The following IGF1R variants were observed in gnomAD, a reference collection of about 807,000 sequenced individuals.
IGF1R encodes the protein insulin-like growth factor 1 receptor.
IGF1R carries 44 observed loss-of-function variants against 144.6 expected under a neutral mutation model. The ratio of observed to expected loss-of-function variants is 0.30; its 90% CI spans 0.24 to 0.39. The LOEUF (loss-of-function observed/expected upper bound fraction) is 0.39, where lower values mean the gene tolerates loss of function less well. Among genes scored for constraint, IGF1R ranks in the 10% least tolerant of loss-of-function variants. The probability of loss-of-function intolerance (pLI) is 1.00; values close to 1 mark genes in which losing one functional copy is unlikely to be tolerated. For missense variants in IGF1R, 1,355 were observed against 1,833.7 expected (o/e 0.74, Z 4.77); for synonymous variants, 795 against 722.8 (o/e 1.10, Z -1.60).
chr15:98,954,515 A>G (rs549826703), intron 20 of IGF1R: 2 of 152,298 alleles, frequency 1.3e-5, no homozygotes, highest in South Asian at 4.1e-4. Context: ...CTTGAATCCC[A>G]CAGAGCAAAA....
At chr15:98,671,619 T>C (rs1297051717) in intron 1 of IGF1R, among the ~76,000 whole-genome samples, 1 of 152,208 alleles carries the variant, frequency 6.6e-6, no homozygotes, top group Non-Finnish European at 1.5e-5. Flanking sequence ...ATGCCTAAGA[T>C]TTCTGAAATT....
At position 98,935,841 on chromosome 15, in the gene IGF1R, A is replaced by G. The variant is rs995854819; in HGVS notation, c.3297+415A>G. On this transcript the variant is annotated intron_variant, in intron 17 of 20. Coordinates refer to ENST00000650285, the MANE Select transcript of IGF1R (RefSeq NM_000875.5). The surrounding 1 kb of genome is among the most constrained non-coding windows in gnomAD (Gnocchi z 4.2). Reference sequence around the variant, plus strand: ...ATCCTCGTATGTGTTCTCTCTCGTTATGTTGTGTTGTGCTGTTGTTGGAGT... The same window carrying G: ...ATCCTCGTATGTGTTCTCTCTCGTTGTGTTGTGTTGTGCTGTTGTTGGAGT... Among the ~76,000 whole-genome samples the G allele has an allele frequency of 5.9e-5, 9 of 151,634 alleles. No homozygotes were observed. The highest frequency in any genetic ancestry group is 2.2e-4 in the African/African-American group (9 of 41,180).
At chr15:98,649,809 A>T (rs2141155714) in intron 1 of IGF1R, 134 bp downstream of exon 1, 1 of 650,876 alleles carries the variant, frequency 1.5e-6, no homozygotes, top group African/African-American at 1.9e-5. Flanking sequence ...GGTGGGGCGC[A>T]GGGCGGCTCT....
chr15:98,650,944 G>A (rs1257150305), intron 1 of IGF1R: 4 of 984,942 alleles, frequency 4.1e-6, no homozygotes, highest in Admixed American at 6.1e-5. Flanking sequence ...GTCTACGGCC[G>A]GAGGAGGTGG....
intron 1 of IGF1R, among the ~76,000 whole-genome samples, chr15:98,651,589 A>G (rs148670000): frequency 2.5e-4 from 38 of 152,358 alleles, no homozygotes; most frequent in African/African-American, 8.9e-4. Flanking sequence ...AACAGCAGGG[A>G]TGGCCTTCGC....
intron 2 of IGF1R, among the ~76,000 whole-genome samples, chr15:98,844,575 A>G (rs1475081758): frequency 2.0e-5 from 3 of 151,972 alleles, no homozygotes; most frequent in African/African-American, 7.3e-5. Flanking sequence ...TGTAACTGAC[A>G]TTTCCTTGAG....
chr15:98,878,692 AAAACAAC>A (rs1567174372), intron 2 of IGF1R, among the ~76,000 whole-genome samples: 7 of 138,878 alleles, frequency 5.0e-5, no homozygotes, highest in African/African-American at 2.2e-4. Flanking sequence ...AAAAAAAAAA[AAAACAAC>A]AACAAAAAAA....
chr15:98,799,202 A>G (rs775755402), intron 2 of IGF1R, among the ~76,000 whole-genome samples: 2 of 152,152 alleles, frequency 1.3e-5, no homozygotes, highest in Non-Finnish European at 2.9e-5. Context: ...TCATGGTATA[A>G]TTCATGTGCC....
chr15:98,804,554 G>A (rs372573135), intron 2 of IGF1R, among the ~76,000 whole-genome samples: 15 of 152,066 alleles, frequency 9.9e-5, no homozygotes, highest in Admixed American at 2.0e-4. Flanking sequence ...AAAGTGAAAC[G>A]GGGCTATGGG....
intron 2 of IGF1R, among the ~76,000 whole-genome samples, chr15:98,820,303 A>C (rs140140649): frequency 2.0e-5 from 3 of 152,368 alleles, no homozygotes; most frequent in Non-Finnish European, 4.4e-5. Context: ...AAACAGCAGA[A>C]TATTCCAGGA....
At chr15:98,688,946 C>G (rs977336160) in intron 1 of IGF1R, among the ~76,000 whole-genome samples, 1 of 152,138 alleles carries the variant, frequency 6.6e-6, no homozygotes, top group South Asian at 2.1e-4. Flanking sequence ...CTCAGATGGC[C>G]TGATGTTTCT....
intron 10 of IGF1R, 47 bp from the exon 11 acceptor site, chr15:98,922,101 A>G (rs761884800): frequency 6.2e-7 from 1 of 1,603,758 alleles, no homozygotes; most frequent in South Asian, 1.1e-5. Flanking sequence ...TAGAAAAGAC[A>G]AAAGAGGTAA....
chr15:98,695,443 T>A (rs1173468479), intron 1 of IGF1R, among the ~76,000 whole-genome samples: 2 of 152,164 alleles, frequency 1.3e-5, no homozygotes, highest in Non-Finnish European at 2.9e-5. Flanking sequence ...TTGTCAGCCT[T>A]AAGAGATACC....
At chr15:98,799,367 T>TAAA (rs10710734) in intron 2 of IGF1R, among the ~76,000 whole-genome samples, 1 of 147,248 alleles carries the variant, frequency 6.8e-6, no homozygotes. Context: ...GCAGTAAGTT[T>TAAA]AAAAAAAAAA....
intron 2 of IGF1R, among the ~76,000 whole-genome samples, chr15:98,772,953 CTATT>C (rs1402993519): frequency 1.3e-5 from 2 of 152,110 alleles, no homozygotes; most frequent in Non-Finnish European, 2.9e-5. Flanking sequence ...ATTCAAATCA[CTATT>C]TAAGTTATAA....
At chr15:98,837,841 T>C (rs1480094498) in intron 2 of IGF1R, among the ~76,000 whole-genome samples, 1 of 152,236 alleles carries the variant, frequency 6.6e-6, no homozygotes, top group African/African-American at 2.4e-5. Flanking sequence ...TCTGGGTGGC[T>C]GAAAGTGACT....
Position 98,964,290 on chromosome 15 carries a change from C to A in IGF1R, c.*6848C>A. Reference sequence around the variant, plus strand: ...AATGACTTTCTGTGTATAAATTATTCCTAAAAAATCCTGTTTATATAAAAA... The same window carrying A: ...AATGACTTTCTGTGTATAAATTATTACTAAAAAATCCTGTTTATATAAAAA... On this transcript the variant is annotated 3_prime_UTR_variant, in exon 21 of 21. Coordinates refer to ENST00000650285, the MANE Select transcript of IGF1R (RefSeq NM_000875.5). 4.3e-6 allele frequency: 1 copy of A among 231,794 alleles called. No individual in the cohort carries two copies. The allele number at this position is 231,794 out of a possible 1,614,324, so 14.4% of individuals were successfully genotyped here.
At chr15:98,787,828 C>G (rs778942944) in intron 2 of IGF1R, among the ~76,000 whole-genome samples, 17 of 152,302 alleles carry the variant, frequency 1.1e-4, no homozygotes, top group Non-Finnish European at 2.4e-4. Flanking sequence ...GGACATGTGT[C>G]TGCTTTTTGA....
At chr15:98,765,144 C>A (rs551013076) in intron 2 of IGF1R, among the ~76,000 whole-genome samples, 4 of 152,198 alleles carry the variant, frequency 2.6e-5, no homozygotes, top group African/African-American at 9.6e-5. Context: ...ATCAGTACTT[C>A]ATCCCTTTTT....
Sources: allele counts gnomAD v4.1 joint callset (sites outside exome capture counted in the v4.1 genomes callset), GRCh38; gene constraint gnomAD v4.1.1; non-coding constraint Gnocchi (gnomAD v3.1); transcripts MANE v1.5; gene names NCBI Gene and HGNC (gene_info 2026-07-23, HGNC 2026-07-21).